Variants in ADGRF5 observed in about 807,000 individuals in gnomAD.
The protein encoded by ADGRF5 is G-protein coupled receptor 116.
In ADGRF5, 75 loss-of-function variants were observed where a neutral mutation model predicts 132.3. That is an observed-to-expected ratio of 0.57 (90% CI 0.47 to 0.69). The LOEUF (loss-of-function observed/expected upper bound fraction) is 0.69. Ranked by LOEUF, ADGRF5 falls within the 30% of genes least tolerant of loss-of-function variation. ADGRF5 has a pLI of 0.00. For missense variants in ADGRF5, 1,516 were observed against 1,630.6 expected (o/e 0.93, Z 1.21); for synonymous variants, 629 against 597.6 (o/e 1.05, Z -0.77).
chr6:46,895,785 T>A (rs1332734621), intron 3 of ADGRF5, among the ~76,000 whole-genome samples: 1 of 151,730 alleles, frequency 6.6e-6, no homozygotes, highest in Non-Finnish European at 1.5e-5. Context: ...GATATTTGTG[T>A]TACTTCTAAC....
chr6:46,933,911 C>T (rs999059741), intron 1 of ADGRF5, among the ~76,000 whole-genome samples: 3 of 152,204 alleles, frequency 2.0e-5, no homozygotes, highest in East Asian at 1.9e-4. Flanking sequence ...CCAGACCCAT[C>T]GCCCTTGGTT....
chr6:46,954,084 C>A (rs1778630663), intron 1 of ADGRF5, among the ~76,000 whole-genome samples: 1 of 151,956 alleles, frequency 6.6e-6, no homozygotes, highest in African/African-American at 2.4e-5. Context: ...GGAGTGAGCA[C>A]CATCCCTGCA....
At chr6:46,877,300 T>TCC (rs1771865797) in intron 10 of ADGRF5, among the ~76,000 whole-genome samples, 1 of 98,900 alleles carries the variant, frequency 1.0e-5, no homozygotes, top group Non-Finnish European at 2.2e-5. Context: ...TCTCTCTCTC[T>TCC]CTCTCTTTCC....
At chr6:46,914,003 C>A (rs943951019) in intron 1 of ADGRF5, among the ~76,000 whole-genome samples, 4 of 152,084 alleles carry the variant, frequency 2.6e-5, no homozygotes, top group Admixed American at 2.0e-4. Flanking sequence ...ATCAGGCAGC[C>A]CTTTTGCAAA....
In ADGRF5 at chr6:46,865,078, C is replaced by T. The variant is rs1287412231; in HGVS notation, c.1954G>A (p.Val652Ile). 1 of 1,610,356 alleles carries T rather than the reference C, an allele frequency of 6.2e-7. No individual in the cohort carries two copies. Residue 652 changes from valine to isoleucine, a missense_variant, in exon 14 of 21, where the codon GTC becomes ATC. Val to Ile is a conservative substitution (Grantham distance 29). Coordinates refer to ENST00000283296, the MANE Select transcript of ADGRF5 (RefSeq NM_001098518.2). ...CHFTNAANNSVWSPSMKLNLV... is the reference protein window; with the variant it reads ...CHFTNAANNSIWSPSMKLNLV... ...TTCAGCTTCATAGATGGGCTCCAGA[C>T]TGAATTATTAGCAGCATTGGTAAAG...
chr6:46,863,422 A>T, intron 14 of ADGRF5: 2 of 427,752 alleles, frequency 4.7e-6, no homozygotes, highest in South Asian at 3.6e-5. Flanking sequence ...GTAAATCGGA[A>T]TCGTCAGAGC....
chr6:46,946,426 G>A (rs1433523433), intron 1 of ADGRF5, among the ~76,000 whole-genome samples: 8 of 152,214 alleles, frequency 5.3e-5, no homozygotes, highest in South Asian at 2.1e-4. Flanking sequence ...TGAATGGTTG[G>A]TGATGATGTG....
intron 1 of ADGRF5, among the ~76,000 whole-genome samples, chr6:46,949,465 A>AGGT (rs1464805815): frequency 6.6e-6 from 1 of 152,190 alleles, no homozygotes; most frequent in Non-Finnish European, 1.5e-5. Context: ...ACTGCTCTTG[A>AGGT]GGTGGTTCAT....
In ADGRF5 at chr6:46,937,226, G is replaced by A. The variant is rs1777877356; in HGVS notation, c.-25+17508C>T. ...GCAAGGTACAGGCAATAAGGAGTGT[G>A]TGTGTGTGTGTGTGTGTGTGTGTGT... is the stretch of plus-strand genomic sequence containing the variant. On this transcript the variant is annotated intron_variant, in intron 1 of 20. Transcript: ENST00000265417. Among the ~76,000 whole-genome samples the A allele has an allele frequency of 2.0e-5, 3 of 147,078 alleles. No individual in the cohort carries two copies. The South Asian group carries it at 6.6e-4, about 32-fold the overall frequency.
chr6:46,884,274 A>G lies in ADGRF5; in HGVS notation c.329-3T>C. On this transcript the variant is annotated splice_polypyrimidine_tract_variant and splice_region_variant and intron_variant, in intron 4 of 20. Transcript: ENST00000283296. ...TTCATTTCCAGCAGGTCTGCAGACT[A>G]TCGTTAATCAGAACAGCAAGGAGAG... is the stretch of plus-strand genomic sequence containing the variant. 1.2e-6 allele frequency: 2 copies of G among 1,610,958 alleles called. No individual in the cohort carries two copies. The highest frequency in any genetic ancestry group is 1.1e-5 in the South Asian group (1 of 90,986).
intron 10 of ADGRF5, among the ~76,000 whole-genome samples, chr6:46,874,122 CT>C (rs1364364475): frequency 6.6e-6 from 1 of 152,208 alleles, no homozygotes; most frequent in Non-Finnish European, 1.5e-5. Context: ...TGATGTCCCT[CT>C]TTTTACCTTT....
chr6:46,857,290 C>T (rs1769166466), intron 17 of ADGRF5, among the ~76,000 whole-genome samples: 1 of 152,166 alleles, frequency 6.6e-6, no homozygotes, highest in African/African-American at 2.4e-5. Context: ...TACATATGAA[C>T]TACATAGCTT....
chr6:46,915,369 T>A (rs1163555096), intron 1 of ADGRF5, among the ~76,000 whole-genome samples: 1 of 152,110 alleles, frequency 6.6e-6, no homozygotes, highest in Non-Finnish European at 1.5e-5. Context: ...CCTGGGGGTC[T>A]CCTGCTGGGC....
intron 4 of ADGRF5, among the ~76,000 whole-genome samples, chr6:46,887,707 CCT>C (rs909791631): frequency 1.3e-5 from 2 of 152,124 alleles, no homozygotes; most frequent in African/African-American, 4.8e-5. Context: ...AAAACAATTC[CCT>C]GTTATCAGAT....
chr6:46,917,682 C>G (rs906627876), intron 1 of ADGRF5, among the ~76,000 whole-genome samples: 2 of 152,166 alleles, frequency 1.3e-5, no homozygotes, highest in African/African-American at 2.4e-5. Flanking sequence ...ACCCGCCCCC[C>G]ACAGGCCCCT....
chr6:46,903,964 G>A (rs1014053683), intron 2 of ADGRF5, among the ~76,000 whole-genome samples: 7 of 152,200 alleles, frequency 4.6e-5, no homozygotes, highest in African/African-American at 4.8e-5. Flanking sequence ...TCAGGGAAAC[G>A]AAGAAAGTTG....
chr6:46,910,908 T>C (rs1362705508), intron 1 of ADGRF5, among the ~76,000 whole-genome samples: 1 of 152,208 alleles, frequency 6.6e-6, no homozygotes, highest in Non-Finnish European at 1.5e-5. Context: ...ATGCAGGAGT[T>C]GGTCTCTTGA....
chr6:46,863,537 C>A (rs544932465), intron 14 of ADGRF5, among the ~76,000 whole-genome samples: 1 of 152,294 alleles, frequency 6.6e-6, no homozygotes, highest in South Asian at 2.1e-4. Flanking sequence ...CTAGTAGGAA[C>A]TCTAGGTACC....
In ADGRF5 at chr6:46,873,813, T is replaced by A. The variant is rs73468782; in HGVS notation, c.1241-1800A>T. ...TTTCTCCCCAGATAAAACCTGTACA[T>A]CTTCCAATGTGTCCTTTCTTTGCAC... On this transcript the variant is annotated intron_variant, in intron 10 of 20. Coordinates refer to ENST00000283296, the MANE Select transcript of ADGRF5 (RefSeq NM_001098518.2). Among the ~76,000 whole-genome samples, 507 of 152,352 alleles carry A rather than the reference T, an allele frequency of 3.3e-3. 2 individuals are homozygous for A. Among genetic ancestry groups the A allele is most frequent in the African/African-American group, 0.012 (481 of 41,586 alleles).
Sources: allele counts gnomAD v4.1 joint callset (sites outside exome capture counted in the v4.1 genomes callset), GRCh38; gene constraint gnomAD v4.1.1; transcripts MANE v1.5; gene names NCBI Gene and HGNC (gene_info 2026-07-23, HGNC 2026-07-21).